The following LIN54 variants were observed in gnomAD, a reference collection of about 807,000 sequenced individuals.
The protein encoded by LIN54 is lin-54 DREAM MuvB core complex component, also known as protein lin-54 homolog.
Under a neutral mutation model 78.7 loss-of-function variants are expected in LIN54, and 9 were observed. The observed-to-expected ratio is 0.11, with a 90% CI of 0.07 to 0.20. LIN54 has a LOEUF of 0.20. Ranked by LOEUF, LIN54 falls within the 10% of genes least tolerant of loss-of-function variation. The probability of loss-of-function intolerance (pLI) is 1.00; values close to 1 mark genes in which losing one functional copy is unlikely to be tolerated. For synonymous variants in LIN54, 269 were observed against 318.4 expected (o/e 0.84, Z 1.65); for missense variants, 573 against 889.9 (o/e 0.64, Z 4.53).
At chr4:82,970,185 G>A in intron 4 of LIN54, 142 bp downstream of exon 4, 3 of 729,318 alleles carry the variant, frequency 4.1e-6, no homozygotes, top group Non-Finnish European at 6.7e-6. Context: ...AGACATCCTT[G>A]ATTACTAAAT....
In LIN54 at chr4:82,978,741, G is replaced by A. The variant is rs548546720; in HGVS notation, c.808+142C>T. On this transcript the variant is annotated intron_variant, in intron 3 of 12. Coordinates refer to ENST00000340417, the MANE Select transcript of LIN54 (RefSeq NM_194282.4). ...TTTCAGATGAGGCATTTTGCTTGAA[G>A]CAAACACTTCTTATTAACTAGTCTG... 3 of 483,288 alleles carry A rather than the reference G, an allele frequency of 6.2e-6. No homozygotes were observed. The South Asian group carries it at 1.6e-4, about 26-fold the overall frequency. The allele number at this position is 483,288 out of a possible 1,614,324, so 29.9% of individuals were successfully genotyped here. A position where few individuals can be genotyped will look rare whatever the true frequency, so the allele number is the denominator to read the frequency against.
chr4:82,940,540 G>A (rs755260091), intron 5 of LIN54, among the ~76,000 whole-genome samples: 9 of 152,128 alleles, frequency 5.9e-5, no homozygotes, highest in African/African-American at 1.7e-4. Context: ...TTACAGGTGT[G>A]TGCCACCATG....
chr4:82,988,771 T>C lies in LIN54; in HGVS notation c.-32-3895A>G, dbSNP rs183672550. Among the ~76,000 whole-genome samples, 9 of 152,326 alleles carry C rather than the reference T, an allele frequency of 5.9e-5. No individual in the cohort carries two copies. The East Asian group carries it at 1.3e-3, about 23-fold the overall frequency. On this transcript the variant is annotated intron_variant, in intron 1 of 12. Coordinates refer to ENST00000340417, the MANE Select transcript of LIN54 (RefSeq NM_194282.4). The stretch of plus-strand genomic sequence containing the variant: ...CCATTCTAGCCTATGTGAAGTGATA[T>C]CTCATTGTGTTTTTAATTTGCAATT...
intron 12 of LIN54, 97 bp from the exon 13 acceptor site, chr4:82,928,400 A>C: frequency 1.1e-6 from 1 of 916,494 alleles, no homozygotes; most frequent in East Asian, 2.5e-5. Flanking sequence ...TGACACTTTC[A>C]CAATTCACCA....
At chr4:82,956,104 C>T (rs1009672709) in intron 4 of LIN54, among the ~76,000 whole-genome samples, 4 of 152,002 alleles carry the variant, frequency 2.6e-5, no homozygotes, top group Non-Finnish European at 4.4e-5. Context: ...CCTGCTACCA[C>T]GCGCGGCTAA....
Position 82,926,145 on chromosome 4 carries a change from GCA to G in LIN54, c.*1955_*1956del, listed in dbSNP as rs1489355093. ...AATCAAAATTTCACGAACATTTTCT[GCA>G]CACTGTATATAAATACACATCACAA... is the stretch of plus-strand genomic sequence containing the variant. On this transcript the variant is annotated 3_prime_UTR_variant, in exon 13 of 13. Transcript: ENST00000340417. The G allele has an allele frequency of 6.6e-6, 1 of 152,300 alleles. No individual in the cohort carries two copies. Among genetic ancestry groups the G allele is most frequent in the East Asian group, 1.9e-4 (1 of 5,186 alleles). 9.4% of individuals were successfully genotyped at this position (152,300 alleles called of 1,614,324 possible).
intron 4 of LIN54, among the ~76,000 whole-genome samples, chr4:82,947,394 TTGTG>T (rs57298736): frequency 0.034 from 4,240 of 124,504 alleles, 119 homozygotes; most frequent in African/African-American, 0.069. Flanking sequence ...CCCAGTTAAT[TTGTG>T]TGTGTGTGTG....
chr4:82,933,133 A>T (rs1413456518), intron 11 of LIN54, among the ~76,000 whole-genome samples: 1 of 151,852 alleles, frequency 6.6e-6, no homozygotes, highest in Non-Finnish European at 1.5e-5. Context: ...GTGAGCCTGA[A>T]TGGGAATCTA....
intron 5 of LIN54, among the ~76,000 whole-genome samples, chr4:82,945,376 A>G (rs1352433439): frequency 6.6e-6 from 1 of 152,218 alleles, no homozygotes; most frequent in Non-Finnish European, 1.5e-5. Flanking sequence ...AAGGTCATTT[A>G]TGTGTCTATG....
chr4:83,000,433 G>A (rs566138319), intron 1 of LIN54, among the ~76,000 whole-genome samples: 2 of 152,264 alleles, frequency 1.3e-5, no homozygotes, highest in Admixed American at 1.3e-4. Flanking sequence ...TCTTCCAAAT[G>A]TATAACAAGA....
chr4:82,929,159 C>A (rs941167304), intron 12 of LIN54, among the ~76,000 whole-genome samples: 4 of 152,162 alleles, frequency 2.6e-5, no homozygotes, highest in African/African-American at 9.7e-5. Context: ...CTTTAACATA[C>A]AAACAAGCAC....
intron 3 of LIN54, among the ~76,000 whole-genome samples, chr4:82,975,955 T>C (rs1726130230): frequency 1.3e-5 from 2 of 152,068 alleles, no homozygotes; most frequent in South Asian, 4.1e-4. Context: ...AACCTAGAAG[T>C]CAAAAACTTC....
chr4:82,975,782 A>AT (rs1412227727), intron 3 of LIN54, among the ~76,000 whole-genome samples: 6 of 152,142 alleles, frequency 3.9e-5, no homozygotes, highest in Non-Finnish European at 7.4e-5. Context: ...CATAAGGGGT[A>AT]TGGGGAGACA....
Position 82,984,739 on chromosome 4 carries a change from A to G in LIN54, c.106T>C (p.Ser36Pro). The G allele has an allele frequency of 6.2e-7, 1 of 1,614,056 alleles. No homozygotes were observed. The highest frequency in any genetic ancestry group is 1.1e-5 in the South Asian group (1 of 91,082). Residue 36 changes from serine to proline, a missense_variant, in exon 2 of 13, where the codon TCC (serine) becomes CCC (proline). Transcript: ENST00000340417. ...AGTTCTGTCTCCATGGGAATTGGGGATGAAACAATAACAGCCTCAATACTA... is the reference window on the plus strand; with the variant it reads ...AGTTCTGTCTCCATGGGAATTGGGGGTGAAACAATAACAGCCTCAATACTA... ...DDSIEAVIVSSPIPMETELEE... is the reference protein window; with the variant it reads ...DDSIEAVIVSPPIPMETELEE...
At position 82,939,641 on chromosome 4, in the gene LIN54, G is replaced by A; in HGVS notation, c.1338C>T (p.Ile446=). 1 of 1,614,182 alleles carries A rather than the reference G, an allele frequency of 6.2e-7. No homozygotes were observed. Among genetic ancestry groups the A allele is most frequent in the East Asian group, 2.2e-5 (1 of 44,884 alleles). ...LIMPATPLPQ[I]QPNLTNLPPG... is the part of the protein sequence containing the mutation. ...GTGGCAGGTTAGTGAGGTTGGGCTGGATCTGTGGCAGTGGTGTGGCAGGCA... is the reference window on the plus strand; with the variant it reads ...GTGGCAGGTTAGTGAGGTTGGGCTGAATCTGTGGCAGTGGTGTGGCAGGCA... Residue 446 remains isoleucine (I), a synonymous_variant, in exon 7 of 13, where the codon ATC becomes ATT. Coordinates refer to ENST00000340417, the MANE Select transcript of LIN54 (RefSeq NM_194282.4).
At chr4:82,959,996 A>C (rs1180119613) in intron 4 of LIN54, among the ~76,000 whole-genome samples, 3 of 152,222 alleles carry the variant, frequency 2.0e-5, no homozygotes, top group Non-Finnish European at 1.5e-5. Flanking sequence ...TAAAGATTGA[A>C]ACCTATCTGA....
At chr4:83,012,372 G>GA (rs1026087529), upstream of LIN54, among the ~76,000 whole-genome samples, 28 of 151,792 alleles carry the variant, frequency 1.8e-4, no homozygotes, top group African/African-American at 6.1e-4. Context: ...GGGCAGTAGG[G>GA]AGAGGAGGGA....
At chr4:82,996,964 A>G (rs551864428) in intron 1 of LIN54, among the ~76,000 whole-genome samples, 6 of 151,972 alleles carry the variant, frequency 3.9e-5, no homozygotes, top group Non-Finnish European at 8.8e-5. Flanking sequence ...TGGCATTTCC[A>G]TCACAGCATC....
At chr4:82,954,615 A>C (rs1724135176) in intron 4 of LIN54, among the ~76,000 whole-genome samples, 1 of 152,126 alleles carries the variant, frequency 6.6e-6, no homozygotes, top group Admixed American at 6.5e-5. Context: ...ACGGGGTTTC[A>C]CCATGTTGGC....
Sources: gnomAD v4.1 joint callset for allele counts (sites outside exome capture counted in the v4.1 genomes callset) on GRCh38, gnomAD v4.1.1 for gene constraint, MANE v1.5 for transcripts, NCBI Gene and HGNC (gene_info 2026-07-23, HGNC 2026-07-21) for gene names.